CCDC102A: variants seen among roughly 807,000 people sequenced by gnomAD.
The protein encoded by CCDC102A is coiled-coil domain containing 102A, also known as coiled-coil domain-containing protein 102A.
CCDC102A carries 40 observed loss-of-function variants against 55.5 expected under a neutral mutation model. The ratio of observed to expected loss-of-function variants is 0.72; its 90% CI spans 0.56 to 0.94. The LOEUF is 0.94. Ranked by LOEUF, CCDC102A falls within the 40% of genes least tolerant of loss-of-function variation. CCDC102A has a pLI of 0.00. For synonymous variants in CCDC102A, 323 were observed against 339.0 expected, an observed-to-expected ratio of 0.95 and a Z score of 0.52; for missense variants, 779 against 768.6, an observed-to-expected ratio of 1.01 and a Z score of -0.16.
rs779800777 is a variant in CCDC102A, at chr16:57,516,365, G to A, written c.1347C>T (p.His449=). 10 of 1,608,928 alleles carry A rather than the reference G, an allele frequency of 6.2e-6. No homozygotes were observed. Among genetic ancestry groups the A allele is most frequent in the Admixed American group, 5.0e-5 (3 of 59,998 alleles). ...GCCGCAGCTTCTTCACCTCAGCCTC[G>A]TGCTGCTCCACCCGCCGGTTGGCAT... ...LAHANRRVEQ[H]EAEVKKLRLR... Residue 449 remains histidine, a synonymous_variant, in exon 7 of 9, where the codon CAC becomes CAT. Coordinates refer to ENST00000258214, the MANE Select transcript of CCDC102A (RefSeq NM_033212.4). The surrounding 1 kb of genome is among the most constrained non-coding windows in gnomAD (Gnocchi z 4.4).
intron 3 of CCDC102A, 143 bp downstream of exon 3, chr16:57,525,758 G>T: frequency 2.7e-6 from 2 of 745,414 alleles, no homozygotes; most frequent in Non-Finnish European, 2.2e-6. Flanking sequence ...CTGAGTTCTT[G>T]GGTGGAACAC....
rs1191145359 is a variant in CCDC102A at position 57,528,917 on chromosome 16, C to A, written c.261G>T (p.Ala87=). ...LRELEEARAR[A]AQMEKTMRRW... ...GGCGCATGGTCTTCTCCATCTGCGC[C>A]GCCCGCGCCCGCGCCTCCTCCAGCT... The change falls in exon 2 of 9, where the codon GCG becomes GCT. Residue 87 remains alanine, a synonymous_variant. Transcript: ENST00000258214. 2 of 1,397,800 alleles carry A rather than the reference C, an allele frequency of 1.4e-6. No individual in the cohort carries two copies. Among genetic ancestry groups the A allele is most frequent in the East Asian group, 6.9e-5 (2 of 28,786 alleles). 86.6% of individuals were successfully genotyped at this position (1,397,800 alleles called of 1,614,324 possible).
At chr16:57,536,774 C>T (rs2032403795), upstream of CCDC102A, among the ~76,000 whole-genome samples, 1 of 152,100 alleles carries the variant, frequency 6.6e-6, no homozygotes, top group African/African-American at 2.4e-5. Flanking sequence ...GGCTCTGCTG[C>T]AGAGCGGGCC....
At chr16:57,525,268 G>C (rs1477658179) in intron 3 of CCDC102A, among the ~76,000 whole-genome samples, 1 of 151,958 alleles carries the variant, frequency 6.6e-6, no homozygotes, top group African/African-American at 2.4e-5. Flanking sequence ...GCTAATTTTT[G>C]CATTTTTGGT....
chr16:57,522,684 C>T (rs897207832), intron 3 of CCDC102A, among the ~76,000 whole-genome samples: 2 of 152,190 alleles, frequency 1.3e-5, no homozygotes, highest in Non-Finnish European at 2.9e-5. Context: ...AGCTGTCCTG[C>T]GAGGTGACTT....
At chr16:57,523,886 CAGAG>C (rs1322169056) in intron 3 of CCDC102A, among the ~76,000 whole-genome samples, 1 of 152,146 alleles carries the variant, frequency 6.6e-6, no homozygotes, top group Admixed American at 6.5e-5. Context: ...GTTCCACTCT[CAGAG>C]AGAGAGGCCA....
At chr16:57,533,055 C>T (rs1455150423) in intron 1 of CCDC102A, among the ~76,000 whole-genome samples, 2 of 152,186 alleles carry the variant, frequency 1.3e-5, no homozygotes. Flanking sequence ...GCCTGTTGGG[C>T]AGGGCCAGGG....
At chr16:57,520,811 G>A (rs2032036329) in intron 4 of CCDC102A, among the ~76,000 whole-genome samples, 1 of 151,404 alleles carries the variant, frequency 6.6e-6, no homozygotes, top group South Asian at 2.1e-4. Context: ...GTGGTGGCGG[G>A]TGCCTGTAAT....
At position 57,512,513 on chromosome 16, in the gene CCDC102A, T is replaced by TGCGCGCGCGCGCGC. The variant is rs540553651; in HGVS notation, c.*214_*227dup. 2 of 404,762 alleles carry TGCGCGCGCGCGCGC rather than the reference T, an allele frequency of 4.9e-6. No individual in the cohort carries two copies. Among genetic ancestry groups the TGCGCGCGCGCGCGC allele is most frequent in the African/African-American group, 4.3e-5 (2 of 46,980 alleles). 25.1% of individuals were successfully genotyped at this position (404,762 alleles called of 1,614,324 possible). Reference sequence around the variant, plus strand: ...AAATGGGTCCAAAGACTTCTGGGTGTGCGCGCGCGCGCGCGCGTGTGTGTA... The same window carrying TGCGCGCGCGCGCGC: ...AAATGGGTCCAAAGACTTCTGGGTGTGCGCGCGCGCGCGCGCGCGCGCGCGCGCGCGTGTGTGTA... On this transcript the variant is annotated 3_prime_UTR_variant, in exon 9 of 9. Transcript: ENST00000258214.
chr16:57,515,407 C>A lies in CCDC102A; in HGVS notation c.1457G>T (p.Arg486Leu), dbSNP rs755446173. ...CTGCTCCGTCTGCTCGTCCAGCGAC[C>A]GCTGCAGCTTACGTGCCTGGTTGTG... ...EAHNQARKLQRSLDEQTEQSE... is the reference protein window; with the variant it reads ...EAHNQARKLQLSLDEQTEQSE... The change falls in exon 8 of 9, where the codon CGG becomes CTG. Residue 486 changes from arginine (R) to leucine (L), a missense_variant. Arg to Leu is a moderately radical substitution (Grantham distance 102). Coordinates refer to ENST00000258214, the MANE Select transcript of CCDC102A (RefSeq NM_033212.4). 8.7e-6 allele frequency: 14 copies of A among 1,609,062 alleles called. 1 individual carries two copies. The South Asian group carries it at 1.2e-4, about 14-fold the overall frequency.
chr16:57,517,693 G>A (rs1175792516), intron 6 of CCDC102A, among the ~76,000 whole-genome samples: 8 of 152,162 alleles, frequency 5.3e-5, no homozygotes, highest in East Asian at 1.9e-4. Context: ...TTCCAGGACC[G>A]TGGGCCTAAG....
At chr16:57,531,293 AGAAGGCACTTCCTCACTCCTTCCAGCTTT>A in intron 1 of CCDC102A, among the ~76,000 whole-genome samples, 1 of 146,680 alleles carries the variant, frequency 6.8e-6, no homozygotes, top group Non-Finnish European at 1.5e-5. Flanking sequence ...CTCCTTCCAG[AGAAGGCACTTCCTCACTCCTTCCAGCTTT>A]GAAGGCACCC....
At chr16:57,534,953 A>G (rs1482666723) in intron 1 of CCDC102A, among the ~76,000 whole-genome samples, 1 of 152,202 alleles carries the variant, frequency 6.6e-6, no homozygotes, top group African/African-American at 2.4e-5. Context: ...GGAATGAGCA[A>G]TGCCAAGGCC....
intron 3 of CCDC102A, among the ~76,000 whole-genome samples, chr16:57,523,576 G>A (rs1191369955): frequency 6.6e-6 from 1 of 151,814 alleles, no homozygotes; most frequent in Non-Finnish European, 1.5e-5. Flanking sequence ...GACCTCCTGG[G>A]CTCAAGCGAT....
chr16:57,516,371 C>T lies in CCDC102A; in HGVS notation c.1341G>A (p.Glu447=), dbSNP rs1374221786. ...AELAHANRRV[E]QHEAEVKKLR... is the part of the protein sequence containing the mutation. ...GCTTCTTCACCTCAGCCTCGTGCTG[C>T]TCCACCCGCCGGTTGGCATGTGCCA... The change falls in exon 7 of 9, where the codon GAG becomes GAA. Residue 447 remains glutamate, a synonymous_variant. Coordinates refer to ENST00000258214, the MANE Select transcript of CCDC102A (RefSeq NM_033212.4). The surrounding 1 kb of genome is among the most constrained non-coding windows in gnomAD (Gnocchi z 4.4). The T allele has an allele frequency of 1.2e-6, 2 of 1,609,098 alleles. No homozygotes were observed. Among genetic ancestry groups the T allele is most frequent in the Non-Finnish European group, 1.7e-6 (2 of 1,179,968 alleles).
At chr16:57,518,013 T>G (rs1025338624) in intron 6 of CCDC102A, 55 bp downstream of exon 6, 3 of 1,523,652 alleles carry the variant, frequency 2.0e-6, no homozygotes, top group African/African-American at 1.4e-5. Context: ...AGCTGCGCTC[T>G]GGCTGGATGG....
intron 3 of CCDC102A, among the ~76,000 whole-genome samples, chr16:57,521,996 T>C (rs2032059529): frequency 6.6e-6 from 1 of 152,180 alleles, no homozygotes; most frequent in Admixed American, 6.5e-5. Context: ...AGGGGTCATT[T>C]AGTGGACGGG....
chr16:57,525,132 G>C (rs2032114649), intron 3 of CCDC102A, among the ~76,000 whole-genome samples: 1 of 151,966 alleles, frequency 6.6e-6, no homozygotes, highest in Non-Finnish European at 1.5e-5. Flanking sequence ...GTCTTGCTCT[G>C]TCGCCCAGGA....
intron 1 of CCDC102A, among the ~76,000 whole-genome samples, chr16:57,530,159 C>T (rs1335258441): frequency 1.3e-5 from 2 of 152,218 alleles, no homozygotes; most frequent in South Asian, 2.1e-4. Context: ...GATGTTCTCT[C>T]CCCTTCTCTG....
Sources: allele counts gnomAD v4.1 joint callset (sites outside exome capture counted in the v4.1 genomes callset), GRCh38; gene constraint gnomAD v4.1.1; non-coding constraint Gnocchi (gnomAD v3.1); transcripts MANE v1.5; gene names NCBI Gene and HGNC (gene_info 2026-07-23, HGNC 2026-07-21).